PDE11A: variants seen among roughly 807,000 people sequenced by gnomAD.
The protein encoded by PDE11A is phosphodiesterase 11A.
PDE11A carries 100 observed loss-of-function variants against 100.5 expected under a neutral mutation model. That is an observed-to-expected ratio of 1.00 (90% CI 0.85 to 1.18). The LOEUF (loss-of-function observed/expected upper bound fraction) is 1.18, where lower values mean the gene tolerates loss of function less well. Ranked by LOEUF, PDE11A falls within the 50% of genes most tolerant of loss-of-function variation. The pLI is 0.00. For missense variants in PDE11A, 1,141 were observed against 1,152.6 expected (o/e 0.99, Z 0.15); for synonymous variants, 381 against 420.8 (o/e 0.91, Z 1.16).
chr2:177,928,315 G>C (rs1171257571), intron 2 of PDE11A, among the ~76,000 whole-genome samples: 1 of 152,144 alleles, frequency 6.6e-6, no homozygotes, highest in Non-Finnish European at 1.5e-5. Context: ...GGGCCACAAA[G>C]TGAGACCCCA....
chr2:177,853,762 A>ATG (rs1279712427), intron 5 of PDE11A, among the ~76,000 whole-genome samples: 3 of 19,682 alleles, frequency 1.5e-4, no homozygotes, highest in Admixed American at 1.2e-3. Context: ...ATATCTATAT[A>ATG]TGTATATATA....
chr2:178,037,126 G>T (rs1296591702), intron 1 of PDE11A, among the ~76,000 whole-genome samples: 3 of 152,128 alleles, frequency 2.0e-5, no homozygotes, highest in Non-Finnish European at 4.4e-5. Context: ...CTATCCATCT[G>T]ACAAAGGTCT....
intron 7 of PDE11A, 40 bp from the exon 8 acceptor site, chr2:177,817,965 T>C: frequency 1.1e-6 from 1 of 923,478 alleles, no homozygotes; most frequent in Non-Finnish European, 1.8e-6. Flanking sequence ...TTTTTAGTAC[T>C]GGACATTGTG....
intron 19 of PDE11A, among the ~76,000 whole-genome samples, chr2:177,662,706 G>A (rs11679730): frequency 0.86 from 131,361 of 152,288 alleles, 56,767 homozygotes; most frequent in East Asian, 0.98. Flanking sequence ...AAAATAAGCA[G>A]TTGTAGATTA....
chr2:177,736,067 A>T (rs1469182854), intron 10 of PDE11A, among the ~76,000 whole-genome samples: 2 of 152,174 alleles, frequency 1.3e-5, no homozygotes, highest in Admixed American at 6.5e-5. Context: ...AAGACCAAGC[A>T]ACCCTTTGTG....
chr2:177,779,238 C>A (rs1271839145), intron 9 of PDE11A, among the ~76,000 whole-genome samples: 2 of 152,200 alleles, frequency 1.3e-5, no homozygotes, highest in Admixed American at 1.3e-4. Flanking sequence ...TAATGATCAT[C>A]TGAGCCTTCA....
chr2:177,855,156 A>G (rs999125795), intron 5 of PDE11A, among the ~76,000 whole-genome samples: 3 of 152,162 alleles, frequency 2.0e-5, no homozygotes, highest in Admixed American at 6.6e-5. Context: ...AAGAAGATCC[A>G]TGCAGAAGAA....
chr2:177,675,304 C>G (rs571606840), intron 17 of PDE11A, 151 bp downstream of exon 17: 3 of 678,856 alleles, frequency 4.4e-6, no homozygotes, highest in Non-Finnish European at 8.1e-6. Flanking sequence ...TGTGTCGTGC[C>G]TAAGCCTCCT....
At chr2:177,794,896 C>T (rs2082683896) in intron 9 of PDE11A, among the ~76,000 whole-genome samples, 2 of 152,280 alleles carry the variant, frequency 1.3e-5, no homozygotes, top group South Asian at 4.1e-4. Flanking sequence ...AGCTATTCTC[C>T]TGCCTCAATC....
At chr2:178,039,587 C>A (rs1355777969) in intron 1 of PDE11A, among the ~76,000 whole-genome samples, 1 of 151,984 alleles carries the variant, frequency 6.6e-6, no homozygotes, top group South Asian at 2.1e-4. Context: ...TGCGGTCATG[C>A]AAATATGATG....
chr2:178,091,253 C>A (rs2087419025), intron 2 of PDE11A, among the ~76,000 whole-genome samples: 1 of 151,860 alleles, frequency 6.6e-6, no homozygotes, highest in African/African-American at 2.4e-5. Flanking sequence ...GTATTTTTTG[C>A]AGAGATAGGG....
chr2:178,019,890 TAGA>T (rs1396343735), intron 1 of PDE11A, among the ~76,000 whole-genome samples: 2 of 151,918 alleles, frequency 1.3e-5, no homozygotes, highest in Non-Finnish European at 2.9e-5. Flanking sequence ...ATGAAGAGAG[TAGA>T]AGGTTGATAA....
chr2:177,942,559 C>T (rs1160300466), intron 2 of PDE11A, among the ~76,000 whole-genome samples: 2 of 152,084 alleles, frequency 1.3e-5, no homozygotes, highest in South Asian at 2.1e-4. Flanking sequence ...TGTGCCACCA[C>T]GCCCAGCTAA....
chr2:177,753,126 T>C (rs2082046563), intron 10 of PDE11A, among the ~76,000 whole-genome samples: 2 of 152,236 alleles, frequency 1.3e-5, no homozygotes, highest in South Asian at 2.1e-4. Context: ...TGACAACTAA[T>C]GTATGGATTC....
intron 2 of PDE11A, among the ~76,000 whole-genome samples, chr2:178,098,608 T>C (rs1004535264): frequency 3.9e-5 from 6 of 152,186 alleles, no homozygotes; most frequent in Non-Finnish European, 8.8e-5. Context: ...AGTATAAATA[T>C]GACTATCAAA....
chr2:177,836,695 T>G (rs1383342740), intron 6 of PDE11A, among the ~76,000 whole-genome samples: 5 of 152,152 alleles, frequency 3.3e-5, no homozygotes, highest in African/African-American at 1.2e-4. Context: ...GCTGTAACAC[T>G]CACAGCGAAG....
rs1469522170 is a variant in PDE11A at position 177,631,322 on chromosome 2, A to AAAAAAAAAAAAAAAAAAAAAAAAAAAAAC, written c.2647-1761_2647-1760insGTTTTTTTTTTTTTTTTTTTTTTTTTTTT. 4.7e-4 allele frequency among the ~76,000 whole-genome samples: 8 copies of AAAAAAAAAAAAAAAAAAAAAAAAAAAAAC among 16,886 alleles called. 2 individuals are homozygous for AAAAAAAAAAAAAAAAAAAAAAAAAAAAAC. Among genetic ancestry groups the AAAAAAAAAAAAAAAAAAAAAAAAAAAAAC allele is most frequent in the African/African-American group, 7.4e-4 (8 of 10,844 alleles). 11.1% of individuals were successfully genotyped at this position (16,886 alleles called of 152,430 possible). A position where few individuals can be genotyped will look rare whatever the true frequency, so the allele number is the denominator to read the frequency against. ...AAAAAAAAAAAAAACAAAAAAAAAA[A>AAAAAAAAAAAAAAAAAAAAAAAAAAAAAC]CAACCTAGGCGTGGTGGCACATGCC... On this transcript the variant is annotated intron_variant, in intron 19 of 19. Transcript: ENST00000286063.
intron 12 of PDE11A, chr2:177,723,262 A>G (rs1292384700): frequency 6.6e-6 from 1 of 152,152 alleles, no homozygotes; most frequent in East Asian, 1.9e-4. Flanking sequence ...TGAATTATCA[A>G]TAAAATGGTT....
At chr2:177,649,444 GA>G (rs1486542219) in intron 19 of PDE11A, among the ~76,000 whole-genome samples, 1 of 151,968 alleles carries the variant, frequency 6.6e-6, no homozygotes, top group Non-Finnish European at 1.5e-5. Context: ...CCATCAAAAA[GA>G]ATGAGACATC....
Sources: allele counts gnomAD v4.1 joint callset (sites outside exome capture counted in the v4.1 genomes callset), GRCh38; gene constraint gnomAD v4.1.1; transcripts MANE v1.5; gene names NCBI Gene and HGNC (gene_info 2026-07-23, HGNC 2026-07-21).